Variants in SLC12A6 observed in about 807,000 individuals in gnomAD.
The protein encoded by SLC12A6 is solute carrier family 12 member 6.
In SLC12A6, 66 loss-of-function variants were observed where a neutral mutation model predicts 135.3. That is an observed-to-expected ratio of 0.49 (90% CI 0.40 to 0.60). The LOEUF is 0.60. SLC12A6 is among the 20% of genes least tolerant of loss of function. The pLI is 0.00. For missense variants in SLC12A6, 1,058 were observed against 1,452.3 expected (o/e 0.73, Z 4.41); for synonymous variants, 513 against 508.8 (o/e 1.01, Z -0.11).
rs147688459 is a variant in SLC12A6, at chr15:34,329,785, G to C, written c.271+6625C>G. The stretch of plus-strand genomic sequence containing the variant: ...AATCCTAGCACTTTGAGAGACCCAA[G>C]TGAGAGGATCACTTGAGCTCAGGAG... On this transcript the variant is annotated intron_variant, in intron 2 of 25. Transcript: ENST00000354181. 1.0e-3 allele frequency among the ~76,000 whole-genome samples: 152 copies of C among 152,280 alleles called. 1 individual carries two copies. The highest frequency in any genetic ancestry group is 9.9e-3 in the South Asian group (48 of 4,832).
chr15:34,264,620 G>A (rs1893369107), intron 3 of SLC12A6, among the ~76,000 whole-genome samples: 1 of 151,898 alleles, frequency 6.6e-6, no homozygotes, highest in Admixed American at 6.6e-5. Context: ...AAGGTAAAAA[G>A]GCATTTTTGA....
intron 2 of SLC12A6, among the ~76,000 whole-genome samples, chr15:34,297,800 T>C (rs1895973698): frequency 6.6e-6 from 1 of 151,846 alleles, no homozygotes; most frequent in Non-Finnish European, 1.5e-5. Flanking sequence ...AATAGAGGAG[T>C]CTAAAGGAGA....
At chr15:34,290,454 C>T (rs910227161) in intron 2 of SLC12A6, among the ~76,000 whole-genome samples, 3 of 152,002 alleles carry the variant, frequency 2.0e-5, no homozygotes, top group Non-Finnish European at 2.9e-5. Context: ...ATGTATATTC[C>T]GTTGATTTGG....
At chr15:34,319,880 A>G (rs954680131) in intron 2 of SLC12A6, among the ~76,000 whole-genome samples, 2 of 151,374 alleles carry the variant, frequency 1.3e-5, no homozygotes, top group African/African-American at 4.9e-5. Flanking sequence ...GGTTGTTTCA[A>G]AGAAAAAAAA....
chr15:34,254,682 G>T, intron 8 of SLC12A6, 93 bp from the exon 9 acceptor site: 1 of 958,494 alleles, frequency 1.0e-6, no homozygotes, highest in Non-Finnish European at 1.6e-6. Flanking sequence ...ACAAAAGAAA[G>T]CAAAGCTGAG....
intron 3 of SLC12A6, among the ~76,000 whole-genome samples, chr15:34,265,350 C>A (rs531296148): frequency 5.9e-4 from 87 of 148,106 alleles, no homozygotes; most frequent in African/African-American, 2.1e-3. Flanking sequence ...CTTTACTGTG[C>A]ATATACTGAA....
In SLC12A6 at chr15:34,336,550, C is replaced by T. The variant is rs747834890; in HGVS notation, c.131G>A (p.Arg44Lys). Residue 44 changes from arginine to lysine, a missense_variant, in exon 2 of 26, where the codon AGA becomes AAA. This residue lies in a region of SLC12A6 where 176 missense variants were observed against 168.9 expected (regional missense o/e 1.04). Transcript: ENST00000354181. ...DLSSRSSSRV[R>K]FSSRESVPET... ...AGGCACGCTTTCCCGGGAGCTAAAT[C>T]TTACTCGGGAACTAGATCGAGAGCT... 1 of 1,614,022 alleles carries T rather than the reference C, an allele frequency of 6.2e-7. No individual in the cohort carries two copies. The highest frequency in any genetic ancestry group is 1.1e-5 in the South Asian group (1 of 91,074).
chr15:34,301,858 T>A (rs1199919963), intron 2 of SLC12A6, among the ~76,000 whole-genome samples: 3 of 152,206 alleles, frequency 2.0e-5, no homozygotes, highest in Admixed American at 2.0e-4. Flanking sequence ...CCAGTACATA[T>A]GCTAAGAATA....
At chr15:34,331,433 G>A (rs1443722829) in intron 2 of SLC12A6, among the ~76,000 whole-genome samples, 2 of 152,168 alleles carry the variant, frequency 1.3e-5, no homozygotes, top group African/African-American at 2.4e-5. Flanking sequence ...GAGCCACCGC[G>A]CCCAGCCTAG....
At position 34,233,936 on chromosome 15, in the gene SLC12A6, T is replaced by C; in HGVS notation, c.3398A>G (p.Glu1133Gly). Residue 1133 changes from glutamate to glycine, a missense_variant, in exon 26 of 26, where the codon GAG becomes GGG. Transcript: ENST00000354181. ...EFLEVLTEGL[E>G]RVLLVRGGGS... is the part of the protein sequence containing the mutation. ...ACCACCCCGGACAAGTAGGACTCGCTCTAGTCCCTCGGTAAGCACCTCTAG... is the reference window on the plus strand; with the variant it reads ...ACCACCCCGGACAAGTAGGACTCGCCCTAGTCCCTCGGTAAGCACCTCTAG... 1 of 1,606,448 alleles carries C rather than the reference T, an allele frequency of 6.2e-7. No individual in the cohort carries two copies. The highest frequency in any genetic ancestry group is 8.5e-7 in the Non-Finnish European group (1 of 1,172,972).
At chr15:34,285,021 A>G (rs1193919435) in intron 2 of SLC12A6, among the ~76,000 whole-genome samples, 1 of 152,234 alleles carries the variant, frequency 6.6e-6, no homozygotes, top group East Asian at 1.9e-4. Context: ...AGAGTATGGA[A>G]TAAGAGATGG....
At chr15:34,318,552 C>A in intron 2 of SLC12A6, 1 of 1,609,758 alleles carries the variant, frequency 6.2e-7, no homozygotes, top group Non-Finnish European at 8.5e-7. Context: ...TCCCAAGTTG[C>A]GTACTCACCT....
intron 2 of SLC12A6, among the ~76,000 whole-genome samples, chr15:34,322,978 C>CAAAAAAAAA: frequency 2.6e-5 from 1 of 39,014 alleles, no homozygotes; most frequent in Non-Finnish European, 5.0e-5. Context: ...AACTCTGTCT[C>CAAAAAAAAA]AAAAAAAAAA....
At chr15:34,274,376 A>T (rs539097940) in intron 3 of SLC12A6, among the ~76,000 whole-genome samples, 2 of 152,358 alleles carry the variant, frequency 1.3e-5, no homozygotes, top group South Asian at 4.1e-4. Context: ...GTCAACAGCA[A>T]GTACTTTTAA....
intron 2 of SLC12A6, among the ~76,000 whole-genome samples, chr15:34,320,902 C>T (rs912261233): frequency 3.3e-5 from 5 of 149,592 alleles, no homozygotes; most frequent in Non-Finnish European, 5.9e-5. Context: ...GAGCAAGACT[C>T]GTCTCAAAAA....
intron 13 of SLC12A6, 55 bp from the exon 14 acceptor site, chr15:34,245,922 G>T: frequency 7.1e-7 from 1 of 1,415,222 alleles, no homozygotes; most frequent in Non-Finnish European, 1.0e-6. Context: ...TAGACTGAAA[G>T]ACTAGAGATA....
At chr15:34,315,499 G>A (rs1049194828) in intron 2 of SLC12A6, among the ~76,000 whole-genome samples, 4 of 152,018 alleles carry the variant, frequency 2.6e-5, no homozygotes, top group Non-Finnish European at 5.9e-5. Context: ...AGGCAGGAGG[G>A]GAGGATCGCT....
chr15:34,282,860 G>A (rs1032119293), intron 2 of SLC12A6, among the ~76,000 whole-genome samples: 1 of 152,190 alleles, frequency 6.6e-6, no homozygotes. Context: ...TTTTATGGGA[G>A]GAGGCTGAGA....
In SLC12A6 at chr15:34,231,624, C is replaced by G. The variant is rs1315817414; in HGVS notation, c.*2257G>C. The G allele has an allele frequency of 6.7e-6, 1 of 148,846 alleles. No individual in the cohort carries two copies. Among genetic ancestry groups the G allele is most frequent in the East Asian group, 2.0e-4 (1 of 5,102 alleles). The allele number at this position is 148,846 out of a possible 1,614,324, so 9.2% of individuals were successfully genotyped here. ...TTTTTTTTTGAGATGGAGTCTCCCT[C>G]TGTCGCCCAGGCTGGAGTGCAGTGG... On this transcript the variant is annotated 3_prime_UTR_variant, in exon 26 of 26. Transcript: ENST00000354181.
Sources: allele counts gnomAD v4.1 joint callset (sites outside exome capture counted in the v4.1 genomes callset), GRCh38; gene constraint gnomAD v4.1.1; regional missense constraint gnomAD v4.1.1; transcripts MANE v1.5; gene names NCBI Gene and HGNC (gene_info 2026-07-23, HGNC 2026-07-21).